The following DSE variants were observed in gnomAD, a reference collection of about 807,000 sequenced individuals.
The protein encoded by DSE is dermatan-sulfate epimerase.
In DSE, 36 loss-of-function variants were observed where a neutral mutation model predicts 84.4. The ratio of observed to expected loss-of-function variants is 0.43; its 90% CI spans 0.33 to 0.56. The LOEUF is 0.56. Among genes scored for constraint, DSE ranks in the 20% least tolerant of loss-of-function variants. The pLI is 0.06. For synonymous variants in DSE, 410 were observed against 430.1 expected, an observed-to-expected ratio of 0.95 and a Z score of 0.58; for missense variants, 862 against 1,169.6, an observed-to-expected ratio of 0.74 and a Z score of 3.84.
At chr6:116,283,508 TCAGGTTTGGGTA>T (rs1773669438) in intron 2 of DSE, among the ~76,000 whole-genome samples, 1 of 150,092 alleles carries the variant, frequency 6.7e-6, no homozygotes, top group Admixed American at 6.7e-5. Flanking sequence ...AGCATGGGGC[TCAGGTTTGGGTA>T]GATTCTTTGT....
intron 2 of DSE, among the ~76,000 whole-genome samples, chr6:116,322,880 C>T (rs958355570): frequency 2.0e-5 from 3 of 152,002 alleles, no homozygotes; most frequent in African/African-American, 4.8e-5. Flanking sequence ...GAGTAACTTC[C>T]CAGATTTGAC....
chr6:116,323,489 A>G (rs567403347), intron 2 of DSE, among the ~76,000 whole-genome samples: 3 of 152,348 alleles, frequency 2.0e-5, no homozygotes, highest in South Asian at 2.1e-4. Context: ...ACATTCGTTT[A>G]GCAGCCAGGT....
chr6:116,408,668 C>T (rs933192072), intron 2 of DSE, among the ~76,000 whole-genome samples: 3 of 152,164 alleles, frequency 2.0e-5, no homozygotes, highest in South Asian at 2.1e-4. Flanking sequence ...GTACCTTTGA[C>T]GTACTTGGAG....
At chr6:116,294,050 G>C (rs1188381064) in intron 2 of DSE, among the ~76,000 whole-genome samples, 1 of 151,426 alleles carries the variant, frequency 6.6e-6, no homozygotes. Context: ...TTGAGACAAG[G>C]TCTCACTCTG....
upstream of DSE, chr6:116,370,524 C>G: frequency 1.0e-6 from 1 of 985,532 alleles, no homozygotes; most frequent in Non-Finnish European, 1.2e-6. Flanking sequence ...GTCTTCCTCG[C>G]TTTCCTCTCG....
At chr6:116,337,995 T>C (rs1039469915) in intron 2 of DSE, among the ~76,000 whole-genome samples, 11 of 152,116 alleles carry the variant, frequency 7.2e-5, no homozygotes, top group Non-Finnish European at 1.5e-4. Context: ...CTTCAGAAAC[T>C]AGAAGAAATT....
At chr6:116,429,170 A>G (rs1219533321) in intron 3 of DSE, among the ~76,000 whole-genome samples, 1 of 152,232 alleles carries the variant, frequency 6.6e-6, no homozygotes, top group Non-Finnish European at 1.5e-5. Flanking sequence ...ATTGAAAACT[A>G]TCCAGAATAT....
Position 116,431,283 on chromosome 6 carries a change from G to T in DSE, c.910+90G>T. 1.1e-5 allele frequency: 17 copies of T among 1,486,150 alleles called. No homozygotes were observed. The South Asian group carries it at 2.2e-4, about 19-fold the overall frequency. 92.1% of individuals were successfully genotyped at this position (1,486,150 alleles called of 1,614,324 possible). A position where few individuals can be genotyped will look rare whatever the true frequency, so the allele number is the denominator to read the frequency against. On this transcript the variant is annotated intron_variant, in intron 4 of 5. Transcript: ENST00000644252. ...GAGCTAGACTAGGCAGAGAAATTAG[G>T]TCCTTAGAGTTTGTCATATTGAAAT...
intron 2 of DSE, among the ~76,000 whole-genome samples, chr6:116,331,968 C>G (rs562935987): frequency 6.6e-6 from 1 of 151,894 alleles, no homozygotes; most frequent in African/African-American, 2.4e-5. Flanking sequence ...AGAAAAAGAA[C>G]AAGTAAAACT....
At chr6:116,325,348 A>G (rs1188576762) in intron 2 of DSE, among the ~76,000 whole-genome samples, 1 of 152,212 alleles carries the variant, frequency 6.6e-6, no homozygotes, top group East Asian at 1.9e-4. Flanking sequence ...GCACTCCAGG[A>G]TGAGTACTGC....
intron 2 of DSE, among the ~76,000 whole-genome samples, chr6:116,360,365 G>C (rs1256782501): frequency 6.6e-6 from 1 of 151,034 alleles, no homozygotes; most frequent in Non-Finnish European, 1.5e-5. Context: ...TTTTGAAAAA[G>C]GTAAGGAATA....
intron 5 of DSE, 67 bp downstream of exon 5, chr6:116,433,617 G>GT: frequency 5.4e-6 from 8 of 1,474,260 alleles, no homozygotes; most frequent in South Asian, 3.9e-5. Context: ...CTATGCACTT[G>GT]TTTTTTTGCA....
At chr6:116,268,041 G>GT (rs1222781949) in intron 2 of DSE, among the ~76,000 whole-genome samples, 3 of 152,100 alleles carry the variant, frequency 2.0e-5, no homozygotes, top group Non-Finnish European at 4.4e-5. Flanking sequence ...GAGCCAAACC[G>GT]TATCAAGTAG....
At chr6:116,325,946 G>T (rs1366796037) in intron 2 of DSE, among the ~76,000 whole-genome samples, 1 of 152,092 alleles carries the variant, frequency 6.6e-6, no homozygotes, top group Non-Finnish European at 1.5e-5. Flanking sequence ...GAGCAAGCAG[G>T]GGGTATGTGA....
At chr6:116,266,155 C>T (rs1772617231) in intron 2 of DSE, among the ~76,000 whole-genome samples, 1 of 152,172 alleles carries the variant, frequency 6.6e-6, no homozygotes, top group African/African-American at 2.4e-5. Flanking sequence ...TTTAACATCT[C>T]TGAAATGACT....
chr6:116,411,579 T>C (rs9481636), intron 2 of DSE, among the ~76,000 whole-genome samples: 7,883 of 152,292 alleles, frequency 0.052, 702 homozygotes, highest in African/African-American at 0.18. Context: ...TATCTGTGAT[T>C]CATTTACAGT....
upstream of DSE, chr6:116,366,883 A>G (rs2114897645): frequency 6.6e-6 from 1 of 152,360 alleles, no homozygotes; most frequent in African/African-American, 2.4e-5. Context: ...GGTACATTTC[A>G]TGACCTATTA....
rs1357440558 is a variant in DSE at position 116,436,483 on chromosome 6, A to C, written c.2015A>C (p.Gln672Pro). The change falls in exon 6 of 6, where the codon CAG becomes CCG. Residue 672 changes from glutamine (Q) to proline (P), a missense_variant. Physicochemically the swap from Gln to Pro is moderately conservative, Grantham distance 76 (BLOSUM62 -1). Coordinates refer to ENST00000644252, the MANE Select transcript of DSE (RefSeq NM_013352.4). ...TTCATAGGGCCATCTATAGATGTTC[A>C]GAGCTTCACTGTCCACGGAGACTCT... ...YLFIGPSIDVQSFTVHGDSQQ... is the reference protein window; with the variant it reads ...YLFIGPSIDVPSFTVHGDSQQ... The C allele has an allele frequency of 6.2e-7, 1 of 1,614,172 alleles. No individual in the cohort carries two copies. The highest frequency in any genetic ancestry group is 2.2e-5 in the East Asian group (1 of 44,878).
intron 3 of DSE, among the ~76,000 whole-genome samples, chr6:116,429,317 C>G (rs1783658843): frequency 6.6e-6 from 1 of 152,130 alleles, no homozygotes; most frequent in Admixed American, 6.6e-5. Flanking sequence ...TATATTTAGG[C>G]CCAGAGCTGG....
Sources: allele counts gnomAD v4.1 joint callset (sites outside exome capture counted in the v4.1 genomes callset), GRCh38; gene constraint gnomAD v4.1.1; transcripts MANE v1.5; gene names NCBI Gene and HGNC (gene_info 2026-07-23, HGNC 2026-07-21).